The following ZNF536 variants were observed in gnomAD, a reference collection of about 807,000 sequenced individuals.
ZNF536 encodes zinc finger protein 536.
ZNF536 carries 13 observed loss-of-function variants against 84.5 expected under a neutral mutation model. The ratio of observed to expected loss-of-function variants is 0.15; its 90% CI spans 0.10 to 0.24. The LOEUF (loss-of-function observed/expected upper bound fraction) is 0.24. ZNF536 is among the 10% of genes least tolerant of loss of function. ZNF536 has a pLI of 1.00. For synonymous variants in ZNF536, 811 were observed against 742.5 expected (o/e 1.09, Z -1.50); for missense variants, 1,536 against 1,747.5 (o/e 0.88, Z 2.16).
rs376749598 is a variant in ZNF536, at chr19:30,642,168, C to T, written c.170-68589C>T. Among the ~76,000 whole-genome samples the T allele has an allele frequency of 8.5e-5, 13 of 152,236 alleles. No individual in the cohort carries two copies. The East Asian group carries it at 1.5e-3, about 18-fold the overall frequency. On this transcript the variant is annotated intron_variant, in intron 1 of 1. Coordinates refer to the ZNF536 transcript ENST00000592773. ...TTAGATTGACTCATGTAAGGAACCC[C>T]GTGGTGACTCTATAAATCAGAAAGT...
chr19:30,246,071 CT>C (rs1052546573), intron 1 of ZNF536, among the ~76,000 whole-genome samples: 3 of 152,114 alleles, frequency 2.0e-5, no homozygotes, highest in African/African-American at 7.2e-5. Context: ...CCCCGGCCCC[CT>C]GATTGGTGAG....
At chr19:30,614,022 C>T (rs1342304468) in intron 1 of ZNF536, among the ~76,000 whole-genome samples, 1 of 152,148 alleles carries the variant, frequency 6.6e-6, no homozygotes, top group African/African-American at 2.4e-5. Context: ...GCCACCATGC[C>T]CAGCTAATTT....
Position 30,573,878 on chromosome 19 carries a change from G to A in ZNF536, c.169+24364G>A, listed in dbSNP as rs909624888. On this transcript the variant is annotated intron_variant, in intron 1 of 1. Transcript: ENST00000592773. ...ACCAGCAGGGGTTCAGCCCCTCCTG[G>A]ACACCTTCCAACATGATGGCCATGA... Among the ~76,000 whole-genome samples the A allele has an allele frequency of 2.6e-5, 4 of 152,212 alleles. No individual in the cohort carries two copies. In the East Asian group the frequency reaches 7.7e-4, roughly 29 times the overall value.
chr19:30,469,567 G>A (rs1378976384), intron 2 of ZNF536, among the ~76,000 whole-genome samples: 2 of 152,098 alleles, frequency 1.3e-5, no homozygotes, highest in East Asian at 1.9e-4. Flanking sequence ...CTATTTCTGG[G>A]GTGCCCAACA....
intron 1 of ZNF536, among the ~76,000 whole-genome samples, chr19:30,382,411 G>A (rs977394412): frequency 6.6e-6 from 1 of 152,158 alleles, no homozygotes; most frequent in Admixed American, 6.5e-5. Context: ...AACAATAATA[G>A]ATCAATACAT....
At chr19:30,232,385 C>A (rs2023132195) in intron 1 of ZNF536, among the ~76,000 whole-genome samples, 1 of 152,030 alleles carries the variant, frequency 6.6e-6, no homozygotes, top group Admixed American at 6.5e-5. Context: ...TCCCGTCACC[C>A]AGGTAGTGAG....
At chr19:30,673,396 GA>G (rs1282679003) in intron 1 of ZNF536, among the ~76,000 whole-genome samples, 2 of 152,128 alleles carry the variant, frequency 1.3e-5, no homozygotes, top group East Asian at 3.9e-4. Context: ...CTCCCTGGGG[GA>G]AATCTTCATT....
At chr19:30,413,127 C>G (rs1194218736) in intron 1 of ZNF536, among the ~76,000 whole-genome samples, 2 of 152,028 alleles carry the variant, frequency 1.3e-5, no homozygotes, top group African/African-American at 2.4e-5. Context: ...CATATTGCCA[C>G]ATTTATTTTC....
intron 1 of ZNF536, among the ~76,000 whole-genome samples, chr19:30,649,234 A>G (rs1374113863): frequency 6.6e-6 from 1 of 152,232 alleles, no homozygotes; most frequent in Non-Finnish European, 1.5e-5. Flanking sequence ...GCACATTTCC[A>G]GAATCGGACA....
chr19:30,250,518 G>A lies in ZNF536; in HGVS notation c.-190+21845G>A, dbSNP rs557555592. On this transcript the variant is annotated intron_variant, in intron 1 of 5. Transcript: ENST00000585628. Reference sequence around the variant, plus strand: ...GCTGTCTGCCCTTTTGCTGAAGTCGGGTCTGCAAGGGTCTTGGGGAAAGTG... The same window carrying A: ...GCTGTCTGCCCTTTTGCTGAAGTCGAGTCTGCAAGGGTCTTGGGGAAAGTG... Among the ~76,000 whole-genome samples, 112 of 152,264 alleles carry A rather than the reference G, an allele frequency of 7.4e-4. 1 individual carries two copies. The Middle Eastern group carries it at 0.01, about 14-fold the overall frequency.
At chr19:30,608,850 A>G (rs893976968) in intron 1 of ZNF536, among the ~76,000 whole-genome samples, 1 of 152,124 alleles carries the variant, frequency 6.6e-6, no homozygotes, top group African/African-American at 2.4e-5. Flanking sequence ...GTGCCTAAGG[A>G]GTGGGCATGG....
intron 1 of ZNF536, among the ~76,000 whole-genome samples, chr19:30,278,131 A>C (rs547938791): frequency 1.3e-5 from 2 of 152,276 alleles, no homozygotes; most frequent in South Asian, 4.1e-4. Flanking sequence ...ACAGTTTGTT[A>C]CTCACAGTTC....
chr19:30,342,267 C>T (rs905804877), intron 2 of ZNF536, among the ~76,000 whole-genome samples: 3 of 152,144 alleles, frequency 2.0e-5, no homozygotes, highest in South Asian at 4.1e-4. Context: ...TGATTTTTGC[C>T]GTAGTCAAAT....
intron 1 of ZNF536, among the ~76,000 whole-genome samples, chr19:30,710,246 C>T (rs1394240019): frequency 2.0e-5 from 3 of 152,208 alleles, no homozygotes; most frequent in African/African-American, 7.2e-5. Context: ...AGTCTGGGTT[C>T]AAAACTCTAG....
At chr19:30,274,214 A>G (rs2026005068) in intron 1 of ZNF536, among the ~76,000 whole-genome samples, 1 of 152,232 alleles carries the variant, frequency 6.6e-6, no homozygotes. Context: ...TGTTCTCTAA[A>G]AACCTGCTTT....
At chr19:30,541,145 A>G (rs2045314171) in intron 3 of ZNF536, among the ~76,000 whole-genome samples, 1 of 152,242 alleles carries the variant, frequency 6.6e-6, no homozygotes, top group Admixed American at 6.5e-5. Context: ...TGGCTGGTAC[A>G]TAAACATGGG....
chr19:30,343,074 C>T (rs952141198), intron 2 of ZNF536, among the ~76,000 whole-genome samples: 3 of 152,142 alleles, frequency 2.0e-5, no homozygotes, highest in African/African-American at 7.2e-5. Flanking sequence ...GTCTCCCCCA[C>T]CCTCGGCCCG....
chr19:30,576,273 G>T (rs2046731971), intron 1 of ZNF536, among the ~76,000 whole-genome samples: 1 of 152,146 alleles, frequency 6.6e-6, no homozygotes, highest in Non-Finnish European at 1.5e-5. Context: ...CTGAGCCCAG[G>T]ATGGAGGTCC....
rs963036437 is a variant in ZNF536 at position 30,606,351 on chromosome 19, T to C, written c.169+56837T>C. On this transcript the variant is annotated intron_variant, in intron 1 of 1. Transcript: ENST00000592773. ...GTGCCTGCAAGGACACACACACCTCTTAAGGCTTTGAAAGGGACCTCCTCC... is the reference window on the plus strand; with the variant it reads ...GTGCCTGCAAGGACACACACACCTCCTAAGGCTTTGAAAGGGACCTCCTCC... 2.6e-5 allele frequency among the ~76,000 whole-genome samples: 4 copies of C among 151,368 alleles called. No homozygotes were observed. In the South Asian group the frequency reaches 8.4e-4, roughly 32 times the overall value.
Sources: gnomAD v4.1 joint callset for allele counts (sites outside exome capture counted in the v4.1 genomes callset) on GRCh38, gnomAD v4.1.1 for gene constraint, MANE v1.5 for transcripts, NCBI Gene and HGNC (gene_info 2026-07-23, HGNC 2026-07-21) for gene names.